The following FARS2 variants were observed in gnomAD, a reference collection of about 807,000 sequenced individuals.
FARS2 encodes the protein phenylalanine--tRNA ligase, mitochondrial.
In FARS2, 40 loss-of-function variants were observed where a neutral mutation model predicts 46.4. The ratio of observed to expected loss-of-function variants is 0.86; its 90% CI spans 0.67 to 1.12. The LOEUF is 1.12. Among genes scored for constraint, FARS2 ranks in the 50% most tolerant of loss-of-function variants. FARS2 has a pLI of 0.00. For synonymous variants in FARS2, 234 were observed against 214.9 expected (o/e 1.09, Z -0.78); for missense variants, 513 against 567.9 (o/e 0.90, Z 0.98).
intron 6 of FARS2, among the ~76,000 whole-genome samples, chr6:5,632,986 A>G (rs1352241270): frequency 6.7e-6 from 1 of 149,868 alleles, no homozygotes; most frequent in Non-Finnish European, 1.5e-5. Context: ...CCTTCCTTCC[A>G]TCTTTTCTTA....
intron 4 of FARS2, among the ~76,000 whole-genome samples, chr6:5,470,697 C>A (rs1226630446): frequency 6.6e-6 from 1 of 152,050 alleles, no homozygotes; most frequent in Non-Finnish European, 1.5e-5. Context: ...AACTGAAAAA[C>A]AAAGTTGGAA....
chr6:5,298,101 C>G lies in FARS2; in HGVS notation c.-22+36441C>G, dbSNP rs527705059. ...ACAGCTAAGAAACTTACACATTTCT[C>G]TGTATTACTTTTGTGAAGAGGATAT... On this transcript the variant is annotated intron_variant, in intron 1 of 6. Transcript: ENST00000274680. Among the ~76,000 whole-genome samples the G allele has an allele frequency of 3.3e-5, 5 of 152,336 alleles. No individual in the cohort carries two copies. The South Asian group carries it at 1.0e-3, about 32-fold the overall frequency.
In FARS2 at chr6:5,421,612, T is replaced by G. The variant is rs923748759; in HGVS notation, c.773-9429T>G. ...CCAAGTCACCTCTTGAATGCTTTGC[T>G]GCTTAGATATTTCTTCTGCCAGATA... On this transcript the variant is annotated intron_variant, in intron 3 of 6. Coordinates refer to ENST00000274680, the MANE Select transcript of FARS2 (RefSeq NM_006567.5). Among the ~76,000 whole-genome samples, 10 of 152,344 alleles carry G rather than the reference T, an allele frequency of 6.6e-5. No individual in the cohort carries two copies. In the East Asian group the frequency reaches 7.7e-4, roughly 12 times the overall value.
intron 4 of FARS2, among the ~76,000 whole-genome samples, chr6:5,462,507 A>T (rs535167438): frequency 6.6e-6 from 1 of 152,180 alleles, no homozygotes; most frequent in Admixed American, 6.5e-5. Flanking sequence ...CTAGAAGTTT[A>T]TTATTTTATC....
Position 5,367,194 on chromosome 6 carries a change from AT to A in FARS2, c.-21-1355del, listed in dbSNP as rs1300757521. On this transcript the variant is annotated intron_variant, in intron 1 of 6. Transcript: ENST00000274680. ...TGTCCAGGGACAGACTGTGCTTTTG[AT>A]AGTGACTTGGAACAATATAATTCTT... Among the ~76,000 whole-genome samples the A allele has an allele frequency of 8.5e-5, 13 of 152,326 alleles. No individual in the cohort carries two copies. In the East Asian group the frequency reaches 9.6e-4, roughly 11 times the overall value.
At chr6:5,319,458 G>T (rs551249380) in intron 1 of FARS2, among the ~76,000 whole-genome samples, 5 of 152,328 alleles carry the variant, frequency 3.3e-5, no homozygotes, top group Non-Finnish European at 7.4e-5. Context: ...AGGCCACTGC[G>T]TTTGCAGACA....
chr6:5,458,414 A>G (rs189144995), intron 4 of FARS2, among the ~76,000 whole-genome samples: 3 of 152,322 alleles, frequency 2.0e-5, no homozygotes, highest in African/African-American at 7.2e-5. Flanking sequence ...ACTGCTGTCC[A>G]GCCCCTTGGC....
intron 4 of FARS2, among the ~76,000 whole-genome samples, chr6:5,484,425 A>G (rs762431200): frequency 6.6e-6 from 1 of 152,220 alleles, no homozygotes; most frequent in Admixed American, 6.5e-5. Context: ...GGAATGTTCC[A>G]TATCTGTGCT....
chr6:5,434,047 A>G (rs769906997), intron 4 of FARS2, among the ~76,000 whole-genome samples: 1 of 152,216 alleles, frequency 6.6e-6, no homozygotes, highest in Non-Finnish European at 1.5e-5. Flanking sequence ...TGTTTCAGAG[A>G]TTCGCAGTGA....
intron 1 of FARS2, among the ~76,000 whole-genome samples, chr6:5,357,729 AG>A (rs756457509): frequency 2.0e-5 from 3 of 152,246 alleles, no homozygotes; most frequent in Admixed American, 6.5e-5. Context: ...TGGAAATAGC[AG>A]GGGTGGACTG....
chr6:5,410,106 G>C (rs1157715380), intron 3 of FARS2, among the ~76,000 whole-genome samples: 1 of 150,722 alleles, frequency 6.6e-6, no homozygotes, highest in African/African-American at 2.4e-5. Context: ...ATTCTCAGCT[G>C]TTTCTTCTGA....
At chr6:5,322,965 C>T (rs146656186) in intron 1 of FARS2, among the ~76,000 whole-genome samples, 2 of 152,122 alleles carry the variant, frequency 1.3e-5, no homozygotes, top group African/African-American at 4.8e-5. Context: ...AGCGATAGCT[C>T]CCATCTTCAG....
intron 2 of FARS2, among the ~76,000 whole-genome samples, chr6:5,375,179 A>G (rs1220079927): frequency 6.6e-6 from 1 of 152,094 alleles, no homozygotes; most frequent in African/African-American, 2.4e-5. Context: ...TAGAAAAAGA[A>G]TATACAGATC....
chr6:5,260,905 C>T, upstream of FARS2: 3 of 1,379,330 alleles, frequency 2.2e-6, no homozygotes, highest in South Asian at 3.2e-5. Context: ...TCGCGGACGG[C>T]GCCAGGCGTC....
intron 5 of FARS2, among the ~76,000 whole-genome samples, chr6:5,591,272 TAACA>T (rs1582525098): frequency 6.6e-6 from 1 of 152,310 alleles, no homozygotes; most frequent in East Asian, 1.9e-4. Flanking sequence ...TAAGGCCAAG[TAACA>T]GCAGGAACAA....
intron 5 of FARS2, among the ~76,000 whole-genome samples, chr6:5,567,138 A>G (rs1772369200): frequency 6.6e-6 from 1 of 152,318 alleles, no homozygotes; most frequent in African/African-American, 2.4e-5. Flanking sequence ...CCAACAGTGC[A>G]CAAGTGTTCC....
intron 2 of FARS2, among the ~76,000 whole-genome samples, chr6:5,380,037 G>C (rs927713498): frequency 2.0e-5 from 3 of 152,210 alleles, no homozygotes; most frequent in Admixed American, 2.0e-4. Flanking sequence ...GCAATTACAT[G>C]AGTTGCTAGG....
intron 6 of FARS2, among the ~76,000 whole-genome samples, chr6:5,770,549 T>C (rs1582909899): frequency 6.6e-6 from 1 of 152,086 alleles, no homozygotes. Context: ...GTGAGAGACA[T>C]GTTGGGGACA....
chr6:5,346,252 G>C (rs1757222972), intron 1 of FARS2, among the ~76,000 whole-genome samples: 1 of 152,176 alleles, frequency 6.6e-6, no homozygotes, highest in South Asian at 2.1e-4. Context: ...TCTTGAAGAA[G>C]ACATGAGTAC....
Sources: gnomAD v4.1 joint callset for allele counts (sites outside exome capture counted in the v4.1 genomes callset) on GRCh38, gnomAD v4.1.1 for gene constraint, MANE v1.5 for transcripts, NCBI Gene and HGNC (gene_info 2026-07-23, HGNC 2026-07-21) for gene names.